Variants in PLCB4 observed in about 807,000 individuals in gnomAD.
PLCB4 encodes 1-phosphatidylinositol 4,5-bisphosphate phosphodiesterase beta-4.
PLCB4 carries 77 observed loss-of-function variants against 178.8 expected under a neutral mutation model. That is an observed-to-expected ratio of 0.43 (90% CI 0.36 to 0.52). The LOEUF is 0.52. PLCB4 is among the 20% of genes least tolerant of loss of function. The probability of loss-of-function intolerance (pLI) is 0.00; values close to 1 mark genes in which losing one functional copy is unlikely to be tolerated. For synonymous variants in PLCB4, 496 were observed against 490.8 expected, an observed-to-expected ratio of 1.01 and a Z score of -0.14; for missense variants, 1,024 against 1,453.4, an observed-to-expected ratio of 0.70 and a Z score of 4.80.
intron 3 of PLCB4, among the ~76,000 whole-genome samples, chr20:9,293,299 T>G (rs1555778517): frequency 1.5e-5 from 2 of 129,628 alleles, no homozygotes; most frequent in African/African-American, 3.1e-5. Flanking sequence ...AAGAAAGAAG[T>G]CACTGCGCTC....
chr20:9,117,130 G>T (rs913683954), intron 2 of PLCB4, among the ~76,000 whole-genome samples: 2 of 152,056 alleles, frequency 1.3e-5, no homozygotes, highest in African/African-American at 4.8e-5. Context: ...TAGTTACTTG[G>T]TTTTCATACT....
Position 9,392,868 on chromosome 20 carries a change from A to C in PLCB4, c.1324-720A>C, listed in dbSNP as rs554873046. Among the ~76,000 whole-genome samples the C allele has an allele frequency of 2.1e-3, 266 of 129,530 alleles. 3 individuals are homozygous for C. The highest frequency in any genetic ancestry group is 6.8e-3 in the African/African-American group (239 of 35,116). 85.0% of individuals were successfully genotyped at this position (129,530 alleles called of 152,430 possible). A position where few individuals can be genotyped will look rare whatever the true frequency, so the allele number is the denominator to read the frequency against. ...CCTTACATATAATAAGTAGTATAAA[A>C]GCAAGTTTTGAAAATGAATGGATGG... is the stretch of plus-strand genomic sequence containing the variant. On this transcript the variant is annotated intron_variant, in intron 17 of 39. Transcript: ENST00000378473.
At chr20:9,074,832 A>ATTT (rs549956475) in intron 1 of PLCB4, among the ~76,000 whole-genome samples, 17,045 of 131,162 alleles carry the variant, frequency 0.13, 2,006 homozygotes, top group East Asian at 0.3. Flanking sequence ...AAAACAAAAC[A>ATTT]AAACAAAACA....
chr20:9,240,826 G>C (rs577494543), intron 3 of PLCB4, among the ~76,000 whole-genome samples: 1 of 152,240 alleles, frequency 6.6e-6, no homozygotes, highest in South Asian at 2.1e-4. Context: ...GAGAGAGGGG[G>C]AGATGAGTAA....
rs6140933 is a variant in PLCB4 at position 9,420,425 on chromosome 20, C to T, written c.2154+516C>T. Among the ~76,000 whole-genome samples, 14 of 152,188 alleles carry T rather than the reference C, an allele frequency of 9.2e-5. No homozygotes were observed. The East Asian group carries it at 2.1e-3, about 23-fold the overall frequency. ...CAATCTCGGCTCACTGCAACCTCCTCCTCCCGGTTTCAAGTGATTCTCCTG... is the reference window on the plus strand; with the variant it reads ...CAATCTCGGCTCACTGCAACCTCCTTCTCCCGGTTTCAAGTGATTCTCCTG... On this transcript the variant is annotated intron_variant, in intron 26 of 39. Transcript: ENST00000378473.
chr20:9,368,776 G>A (rs919013561), intron 9 of PLCB4, among the ~76,000 whole-genome samples: 1 of 152,104 alleles, frequency 6.6e-6, no homozygotes, highest in African/African-American at 2.4e-5. Flanking sequence ...AGCCACTTGC[G>A]AAGTCCCCCG....
At position 9,093,900 on chromosome 20, in the gene PLCB4, T is replaced by G. The variant is rs537430573; in HGVS notation, c.-134-2387T>G. 2.0e-5 allele frequency among the ~76,000 whole-genome samples: 3 copies of G among 152,250 alleles called. No homozygotes were observed. The East Asian group carries it at 5.8e-4, about 29-fold the overall frequency. On this transcript the variant is annotated intron_variant, in intron 1 of 39. Coordinates refer to ENST00000378473, the MANE Select transcript of PLCB4 (RefSeq NM_001377142.1). ...GGCCCCTTTTTGGCTCTTTCAAATT[T>G]TAGTCAAATTGCGTGGTATAATCCA...
chr20:9,437,243 G>A (rs947853544), intron 30 of PLCB4, 91 bp downstream of exon 30: 166 of 1,198,550 alleles, frequency 1.4e-4, no homozygotes, highest in Admixed American at 5.3e-4. Flanking sequence ...ATATAAATTC[G>A]AAGTTCTTTG....
At chr20:9,199,004 A>C (rs985146564) in intron 2 of PLCB4, among the ~76,000 whole-genome samples, 2 of 152,134 alleles carry the variant, frequency 1.3e-5, no homozygotes, top group Admixed American at 6.5e-5. Flanking sequence ...ATTTCATAGG[A>C]GAGGTTTAGG....
At chr20:9,155,307 T>G (rs138953829) in intron 2 of PLCB4, among the ~76,000 whole-genome samples, 2 of 152,158 alleles carry the variant, frequency 1.3e-5, no homozygotes, top group East Asian at 3.9e-4. Context: ...TGAATAGTAT[T>G]CCATGGTGTA....
intron 1 of PLCB4, among the ~76,000 whole-genome samples, chr20:9,078,146 A>AT (rs2089963388): frequency 4.6e-5 from 7 of 151,050 alleles, no homozygotes; most frequent in Admixed American, 4.6e-4. Flanking sequence ...ACACCTGGCT[A>AT]TTTTTTTCTG....
chr20:9,387,595 T>C, intron 15 of PLCB4, 39 bp downstream of exon 15: 1 of 975,896 alleles, frequency 1.0e-6, no homozygotes, highest in Non-Finnish European at 1.6e-6. Flanking sequence ...TTCCAAACTC[T>C]GTGAAAATGC....
chr20:9,444,502 C>T (rs1005440204), intron 32 of PLCB4, among the ~76,000 whole-genome samples: 1 of 152,160 alleles, frequency 6.6e-6, no homozygotes, highest in African/African-American at 2.4e-5. Context: ...CAGTGGCTCA[C>T]GCCTGTAATC....
intron 3 of PLCB4, among the ~76,000 whole-genome samples, chr20:9,283,977 A>T (rs1030248062): frequency 6.6e-6 from 1 of 152,002 alleles, no homozygotes; most frequent in Non-Finnish European, 1.5e-5. Context: ...ACATTCATTC[A>T]TTCTATACAG....
chr20:9,162,142 AATGTC>A (rs2092899134), intron 2 of PLCB4, among the ~76,000 whole-genome samples: 1 of 152,174 alleles, frequency 6.6e-6, no homozygotes, highest in East Asian at 1.9e-4. Context: ...TGTTTATTAG[AATGTC>A]ATACCCTGCT....
intron 2 of PLCB4, among the ~76,000 whole-genome samples, chr20:9,111,072 C>T (rs2091557950): frequency 6.6e-6 from 1 of 152,076 alleles, no homozygotes; most frequent in African/African-American, 2.4e-5. Flanking sequence ...GGAAACTTTC[C>T]ATGTCATATA....
intron 4 of PLCB4, among the ~76,000 whole-genome samples, chr20:9,324,850 C>T (rs552811295): frequency 6.6e-6 from 1 of 151,874 alleles, no homozygotes; most frequent in African/African-American, 2.4e-5. Context: ...TATCATGCAG[C>T]TCTTGTGGAA....
At chr20:9,467,227 A>G (rs1012870531) in intron 35 of PLCB4, among the ~76,000 whole-genome samples, 5 of 152,202 alleles carry the variant, frequency 3.3e-5, no homozygotes, top group Non-Finnish European at 5.9e-5. Flanking sequence ...GGAATTGAAC[A>G]GTGAGAACAC....
chr20:9,165,214 C>T (rs2092949985), intron 2 of PLCB4, among the ~76,000 whole-genome samples: 1 of 152,168 alleles, frequency 6.6e-6, no homozygotes, highest in Non-Finnish European at 1.5e-5. Flanking sequence ...CATGCTGTTT[C>T]TTATATGTTC....
Sources: allele counts gnomAD v4.1 joint callset (sites outside exome capture counted in the v4.1 genomes callset), GRCh38; gene constraint gnomAD v4.1.1; transcripts MANE v1.5; gene names NCBI Gene and HGNC (gene_info 2026-07-23, HGNC 2026-07-21).